The following PACRG variants were observed in gnomAD, a reference collection of about 807,000 sequenced individuals.
PACRG encodes the protein parkin coregulated.
In PACRG, 29 loss-of-function variants were observed where a neutral mutation model predicts 29.7. The ratio of observed to expected loss-of-function variants is 0.98; its 90% confidence interval spans 0.73 to 1.33. The LOEUF (loss-of-function observed/expected upper bound fraction) is 1.33. Among genes scored for constraint, PACRG ranks in the 40% most tolerant of loss-of-function variants. PACRG has a pLI of 0.00. For synonymous variants in PACRG, 116 were observed against 118.7 expected, an observed-to-expected ratio of 0.98 and a Z score of 0.15; for missense variants, 279 against 316.2, an observed-to-expected ratio of 0.88 and a Z score of 0.89.
intron 4 of PACRG, among the ~76,000 whole-genome samples, chr6:163,200,883 G>A (rs952053153): frequency 1.4e-4 from 21 of 152,144 alleles, no homozygotes; most frequent in African/African-American, 7.2e-5. Flanking sequence ...CTTGGGAAGC[G>A]CCCTGCACCA....
chr6:163,201,453 C>T (rs1218546823), intron 4 of PACRG, among the ~76,000 whole-genome samples: 1 of 152,202 alleles, frequency 6.6e-6, no homozygotes, highest in Non-Finnish European at 1.5e-5. Context: ...AGAAGAGCCT[C>T]CCTCGGCCCC....
chr6:163,134,064 T>A (rs1199771897), intron 4 of PACRG, among the ~76,000 whole-genome samples: 1 of 152,214 alleles, frequency 6.6e-6, no homozygotes, highest in Non-Finnish European at 1.5e-5. Context: ...ACTCGCACAT[T>A]CTACCAACAT....
chr6:163,002,776 G>T (rs746921373), intron 2 of PACRG, among the ~76,000 whole-genome samples: 9 of 152,116 alleles, frequency 5.9e-5, no homozygotes, highest in Admixed American at 2.0e-4. Flanking sequence ...GTGTTTTCTT[G>T]CATTCAAACT....
chr6:163,247,542 A>G (rs770305778), intron 4 of PACRG, among the ~76,000 whole-genome samples: 6 of 152,184 alleles, frequency 3.9e-5, no homozygotes, highest in Non-Finnish European at 7.3e-5. Flanking sequence ...ATTGAGCAGA[A>G]CCTGCTTCTA....
chr6:162,950,233 C>T (rs540695018), intron 2 of PACRG, among the ~76,000 whole-genome samples: 1 of 152,196 alleles, frequency 6.6e-6, no homozygotes, highest in South Asian at 2.1e-4. Context: ...CACGGTGGCT[C>T]ACGCCTATAA....
rs115890909 is a variant in PACRG, at chr6:162,728,307, G to C, written c.72G>C (p.Leu24=). The change falls in exon 1 of 5, where the codon CTG becomes CTC. Residue 24 remains leucine, a synonymous_variant. Transcript: ENST00000366888. The stretch of plus-strand genomic sequence containing the variant: ...AGATGCCGAAGAGGACCAAGCTGCT[G>C]GCACAACAGCCGCTCCCGGTGCACC... The part of the protein sequence containing the change: ...PDKMPKRTKL[L]AQQPLPVHQP... The C allele has an allele frequency of 6.2e-7, 1 of 1,614,010 alleles. No individual in the cohort carries two copies. The highest frequency in any genetic ancestry group is 8.5e-7 in the Non-Finnish European group (1 of 1,180,020).
intron 4 of PACRG, among the ~76,000 whole-genome samples, chr6:163,285,573 G>A (rs542134417): frequency 2.6e-5 from 4 of 152,304 alleles, no homozygotes; most frequent in Non-Finnish European, 4.4e-5. Flanking sequence ...AGAAGCCAAA[G>A]GGCCCCGGAG....
At chr6:162,933,525 T>C (rs1193489303) in intron 2 of PACRG, among the ~76,000 whole-genome samples, 2 of 151,960 alleles carry the variant, frequency 1.3e-5, no homozygotes, top group Non-Finnish European at 2.9e-5. Flanking sequence ...TTTGGTGTTG[T>C]GAGCATAAAT....
Position 163,186,739 on chromosome 6 carries a change from T to C in PACRG, c.613+97331T>C, listed in dbSNP as rs1001115460. 2.6e-5 allele frequency among the ~76,000 whole-genome samples: 4 copies of C among 152,326 alleles called. No individual in the cohort carries two copies. In the East Asian group the frequency reaches 7.7e-4, roughly 29 times the overall value. ...CTAAAACATGAGGCTGTTCCTTTGCTTCCGAGTAGTTTGATGTCATTCAAC... is the reference window on the plus strand; with the variant it reads ...CTAAAACATGAGGCTGTTCCTTTGCCTCCGAGTAGTTTGATGTCATTCAAC... On this transcript the variant is annotated intron_variant, in intron 4 of 4. Coordinates refer to ENST00000366888, the MANE Select transcript of PACRG (RefSeq NM_001080379.2).
chr6:162,753,557 C>T (rs1272617165), intron 1 of PACRG, among the ~76,000 whole-genome samples: 2 of 152,070 alleles, frequency 1.3e-5, no homozygotes, highest in Non-Finnish European at 2.9e-5. Flanking sequence ...TATGGTTTGG[C>T]TCTGTGTCCC....
At chr6:163,284,284 C>A (rs1443520956) in intron 4 of PACRG, among the ~76,000 whole-genome samples, 2 of 152,194 alleles carry the variant, frequency 1.3e-5, no homozygotes, top group Non-Finnish European at 2.9e-5. Flanking sequence ...GCTGCCAGCC[C>A]GGGGCCAGGC....
At chr6:163,070,612 A>G (rs1159951118) in intron 3 of PACRG, among the ~76,000 whole-genome samples, 1 of 152,018 alleles carries the variant, frequency 6.6e-6, no homozygotes, top group Non-Finnish European at 1.5e-5. Context: ...TCCTTCACTA[A>G]GAGGAAGACA....
chr6:162,943,538 C>T (rs542124950), intron 2 of PACRG, among the ~76,000 whole-genome samples: 37 of 152,268 alleles, frequency 2.4e-4, no homozygotes, highest in African/African-American at 8.4e-4. Flanking sequence ...GCAGTGCAGC[C>T]GCTGGTTCCC....
At chr6:163,176,555 G>A (rs546128956) in intron 4 of PACRG, among the ~76,000 whole-genome samples, 32 of 152,102 alleles carry the variant, frequency 2.1e-4, no homozygotes, top group East Asian at 1.9e-4. Context: ...AAAGAAAGGG[G>A]GGAGGGAAAG....
intron 4 of PACRG, among the ~76,000 whole-genome samples, chr6:163,203,014 C>T (rs982444552): frequency 2.0e-5 from 3 of 152,128 alleles, no homozygotes; most frequent in Non-Finnish European, 2.9e-5. Flanking sequence ...CCTTCGGTTG[C>T]CTGCTTGCCA....
rs1491257256 is a variant in PACRG, at chr6:163,302,259, T to TG, written c.614-12568_614-12567insG. Among the ~76,000 whole-genome samples, 688 of 89,958 alleles carry TG rather than the reference T, an allele frequency of 7.6e-3. 3 individuals are homozygous for TG. Among genetic ancestry groups the TG allele is most frequent in the African/African-American group, 0.024 (661 of 27,164 alleles). 59.0% of individuals were successfully genotyped at this position (89,958 alleles called of 152,430 possible). The stretch of plus-strand genomic sequence containing the variant: ...TCTTTTTTTTGTTTGTTTTTTTTTG[T>TG]TTTTTTTTTTGTAAGATGTGGCCAA... On this transcript the variant is annotated intron_variant, in intron 4 of 4. Coordinates refer to ENST00000366888, the MANE Select transcript of PACRG (RefSeq NM_001080379.2).
intron 2 of PACRG, among the ~76,000 whole-genome samples, chr6:162,835,694 A>G (rs1005670552): frequency 7.2e-5 from 11 of 152,120 alleles, no homozygotes; most frequent in African/African-American, 2.7e-4. Context: ...GTGGTGTTAT[A>G]TATTACACAA....
chr6:163,163,248 G>GT (rs112674550), intron 4 of PACRG, among the ~76,000 whole-genome samples: 7,402 of 151,852 alleles, frequency 0.049, 315 homozygotes, highest in African/African-American at 0.12. Flanking sequence ...GCTCCACATG[G>GT]TTTTTTTTGT....
intron 4 of PACRG, among the ~76,000 whole-genome samples, chr6:163,260,440 T>C (rs1017780451): frequency 6.6e-6 from 1 of 152,256 alleles, no homozygotes; most frequent in African/African-American, 2.4e-5. Context: ...CAGAGATTTT[T>C]CTGCTTCATC....
Sources: gnomAD v4.1 joint callset for allele counts (sites outside exome capture counted in the v4.1 genomes callset) on GRCh38, gnomAD v4.1.1 for gene constraint, MANE v1.5 for transcripts, NCBI Gene and HGNC (gene_info 2026-07-23, HGNC 2026-07-21) for gene names.